The following TCF7L2 variants were observed in gnomAD, a reference collection of about 807,000 sequenced individuals.
The protein encoded by TCF7L2 is transcription factor 7-like 2.
Under a neutral mutation model 77.9 loss-of-function variants are expected in TCF7L2, and 23 were observed. The observed-to-expected ratio is 0.30, with a 90% confidence interval of 0.21 to 0.42. TCF7L2 has a LOEUF of 0.42. TCF7L2 is among the 10% of genes least tolerant of loss of function. The pLI, the probability that TCF7L2 is intolerant of heterozygous loss-of-function variation, is 1.00. For missense variants in TCF7L2, 654 were observed against 793.1 expected (o/e 0.82, Z 2.11); for synonymous variants, 413 against 340.2 (o/e 1.21, Z -2.36).
rs1564719238 is a variant in TCF7L2 at position 112,964,799 on chromosome 10, G to GTGGTGGTGGTGATGGTGGTGGTGGTGA, written c.450+186_450+187insATGGTGGTGGTGGTGATGGTGGTGGTG. Among the ~76,000 whole-genome samples the GTGGTGGTGGTGATGGTGGTGGTGGTGA allele has an allele frequency of 4.4e-5, 6 of 135,704 alleles. 1 individual carries two copies. The highest frequency in any genetic ancestry group is 4.6e-4 in the East Asian group (2 of 4,340). 89.0% of individuals were successfully genotyped at this position (135,704 alleles called of 152,430 possible). A position where few individuals can be genotyped will look rare whatever the true frequency, so the allele number is the denominator to read the frequency against. Reference sequence around the variant, plus strand: ...GGTGATGGTGGTGGTGGTGATGGTGGTGGTGGTGGTGGTGGGGGGGGGTTG... The same window carrying GTGGTGGTGGTGATGGTGGTGGTGGTGA: ...GGTGATGGTGGTGGTGGTGATGGTGGTGGTGGTGGTGATGGTGGTGGTGGTGATGGTGGTGGTGGTGGGGGGGGGTTG... On this transcript the variant is annotated intron_variant, in intron 4 of 13. Transcript: ENST00000627217.
rs2137467358 is a variant in TCF7L2 at position 113,160,684 on chromosome 10, C to G, written c.1384C>G (p.Pro462Ala). Residue 462 changes from proline (P) to alanine (A), a missense_variant, in exon 13 of 14, where the codon CCG becomes GCG. Transcript: ENST00000627217. ...TGACCGACAGACTTTATGGTGCAAA[C>G]CGTGCAGGTATATTACCACTGCGAG... 1 of 1,592,074 alleles carries G rather than the reference C, an allele frequency of 6.3e-7. No individual in the cohort carries two copies. The highest frequency in any genetic ancestry group is 8.6e-7 in the Non-Finnish European group (1 of 1,168,648).
chr10:113,122,542 CAG>C (rs1051468473), intron 5 of TCF7L2, among the ~76,000 whole-genome samples: 4 of 152,114 alleles, frequency 2.6e-5, no homozygotes, highest in Admixed American at 1.3e-4. Flanking sequence ...AAGAAAGTAA[CAG>C]AGAGTATGAA....
intron 5 of TCF7L2, among the ~76,000 whole-genome samples, chr10:113,052,688 G>A (rs2054672382): frequency 6.6e-6 from 1 of 152,182 alleles, no homozygotes; most frequent in Admixed American, 6.5e-5. Flanking sequence ...CATGACCCAT[G>A]TATCTTGAGG....
intron 3 of TCF7L2, among the ~76,000 whole-genome samples, 185 bp from the exon 4 acceptor site, chr10:112,964,365 CAAAAAA>C (rs575903839): frequency 6.6e-6 from 1 of 151,762 alleles, no homozygotes. Context: ...AAAACAAAAA[CAAAAAA>C]ACTTTACCTT....
intron 5 of TCF7L2, among the ~76,000 whole-genome samples, chr10:113,131,388 A>G (rs899065395): frequency 1.3e-5 from 2 of 152,204 alleles, no homozygotes; most frequent in East Asian, 1.9e-4. Flanking sequence ...CTTTGGTTCA[A>G]TCTAGGATTG....
intron 4 of TCF7L2, among the ~76,000 whole-genome samples, chr10:112,971,990 G>A (rs929103874): frequency 2.6e-5 from 4 of 151,696 alleles, no homozygotes; most frequent in Non-Finnish European, 4.4e-5. Context: ...GTGCGATCTC[G>A]GCTCACTGCA....
chr10:112,986,454 A>G (rs1268269844), intron 4 of TCF7L2, among the ~76,000 whole-genome samples: 1 of 152,152 alleles, frequency 6.6e-6, no homozygotes, highest in African/African-American at 2.4e-5. Context: ...TTATCTTATA[A>G]AGCCTAAATT....
chr10:113,157,263 C>T (rs2072123183), intron 11 of TCF7L2, among the ~76,000 whole-genome samples: 1 of 152,212 alleles, frequency 6.6e-6, no homozygotes, highest in East Asian at 1.9e-4. Context: ...GGGCTACAGG[C>T]ATGCACCACC....
chr10:113,084,090 C>T (rs2059585321), intron 5 of TCF7L2, among the ~76,000 whole-genome samples: 1 of 152,196 alleles, frequency 6.6e-6, no homozygotes, highest in Non-Finnish European at 1.5e-5. Context: ...GGAGAAAATA[C>T]ATGAAAATCT....
chr10:113,112,524 T>G (rs1305793872), intron 5 of TCF7L2, among the ~76,000 whole-genome samples: 1 of 152,198 alleles, frequency 6.6e-6, no homozygotes, highest in African/African-American at 2.4e-5. Flanking sequence ...CTTGGGTGTG[T>G]GCACACCTAA....
rs1263965554 is a variant in TCF7L2, at chr10:112,976,072, C to T, written c.450+11448C>T. Among the ~76,000 whole-genome samples, 10 of 152,266 alleles carry T rather than the reference C, an allele frequency of 6.6e-5. No individual in the cohort carries two copies. The East Asian group carries it at 1.7e-3, about 26-fold the overall frequency. ...GGTATATCTATCTGGGTTTGAGTGT[C>T]GGCTCTGCTAAGCTTCAGTTTCCTA... On this transcript the variant is annotated intron_variant, in intron 4 of 13. Coordinates refer to ENST00000627217, the MANE Select transcript of TCF7L2 (RefSeq NM_001146274.2).
intron 4 of TCF7L2, among the ~76,000 whole-genome samples, chr10:113,037,986 A>G (rs1332399533): frequency 6.6e-6 from 1 of 152,136 alleles, no homozygotes; most frequent in Non-Finnish European, 1.5e-5. Context: ...AGAAGTTGGG[A>G]TGAGATGGGG....
intron 5 of TCF7L2, among the ~76,000 whole-genome samples, chr10:113,095,307 G>A (rs1650327466): frequency 1.3e-5 from 2 of 152,116 alleles, no homozygotes; most frequent in Admixed American, 6.5e-5. Flanking sequence ...GAGTGGGCCG[G>A]CAAATTCAAC....
intron 4 of TCF7L2, among the ~76,000 whole-genome samples, chr10:112,966,184 T>TTATTTATATATATATATATATATA (rs2036768924): frequency 8.8e-6 from 1 of 114,280 alleles, no homozygotes; most frequent in African/African-American, 4.8e-5. Flanking sequence ...TAAAATATAT[T>TTATTTATATATATATATATATATA]TATATATATA....
At chr10:113,017,425 C>T (rs1029647004) in intron 4 of TCF7L2, among the ~76,000 whole-genome samples, 1 of 152,250 alleles carries the variant, frequency 6.6e-6, no homozygotes, top group Non-Finnish European at 1.5e-5. Flanking sequence ...ACTTCCTCCT[C>T]GGGTGGACTT....
intron 5 of TCF7L2, among the ~76,000 whole-genome samples, chr10:113,121,775 A>AC (rs2064835984): frequency 2.0e-5 from 3 of 149,064 alleles, no homozygotes; most frequent in African/African-American, 7.4e-5. Context: ...ACATACACAC[A>AC]ACACACACAC....
intron 5 of TCF7L2, among the ~76,000 whole-genome samples, chr10:113,062,181 AC>A (rs1164801270): frequency 6.6e-6 from 1 of 152,094 alleles, no homozygotes; most frequent in African/African-American, 2.4e-5. Context: ...AAGCCACTGA[AC>A]CAGTCCTCTA....
chr10:113,046,247 G>T (rs2053431051), intron 5 of TCF7L2, among the ~76,000 whole-genome samples: 1 of 152,190 alleles, frequency 6.6e-6, no homozygotes, highest in South Asian at 2.1e-4. Context: ...TGTGACCTCA[G>T]TTGTAGCCCC....
rs528762191 is a variant in TCF7L2, at chr10:112,965,019, C to T, written c.450+395C>T. 9.9e-5 allele frequency among the ~76,000 whole-genome samples: 15 copies of T among 151,956 alleles called. No homozygotes were observed. The East Asian group carries it at 2.5e-3, about 25-fold the overall frequency. The stretch of plus-strand genomic sequence containing the variant: ...GAGGGATCTTGAATTGGGAGTAAAA[C>T]GGGGTGGCACAATGTGAATGGGAAG... On this transcript the variant is annotated intron_variant, in intron 4 of 13. Coordinates refer to ENST00000627217, the MANE Select transcript of TCF7L2 (RefSeq NM_001146274.2).
Sources: allele counts gnomAD v4.1 joint callset (sites outside exome capture counted in the v4.1 genomes callset), GRCh38; gene constraint gnomAD v4.1.1; transcripts MANE v1.5; gene names NCBI Gene and HGNC (gene_info 2026-07-23, HGNC 2026-07-21).